Variants in ZGRF1 observed in about 807,000 individuals in gnomAD.
ZGRF1 encodes 5'-3' DNA helicase ZGRF1.
A neutral mutation model predicts 203.5 loss-of-function variants in ZGRF1; 196 were observed. The ratio of observed to expected loss-of-function variants is 0.96; its 90% CI spans 0.86 to 1.08. The LOEUF (loss-of-function observed/expected upper bound fraction) is 1.08. ZGRF1 is among the 50% of genes least tolerant of loss of function. ZGRF1 has a pLI of 0.00. For missense variants in ZGRF1, 2,326 were observed against 2,416.3 expected, an observed-to-expected ratio of 0.96 and a Z score of 0.78; for synonymous variants, 809 against 841.3, an observed-to-expected ratio of 0.96 and a Z score of 0.66.
At chr4:112,587,258 C>T (rs1463813118) in intron 12 of ZGRF1, 22 bp downstream of exon 12, 1 of 1,569,766 alleles carries the variant, frequency 6.4e-7, no homozygotes, top group Non-Finnish European at 8.6e-7. Flanking sequence ...AAATGCACCA[C>T]AAGACCGGTA....
intron 16 of ZGRF1, among the ~76,000 whole-genome samples, chr4:112,577,421 C>A (rs1374935409): frequency 8.2e-6 from 1 of 122,678 alleles, no homozygotes; most frequent in African/African-American, 2.8e-5. Flanking sequence ...CAAATTCACA[C>A]ATAACAATAT....
chr4:112,589,529 T>G (rs188805216), intron 11 of ZGRF1, 195 bp downstream of exon 11: 24 of 568,022 alleles, frequency 4.2e-5, no homozygotes, highest in Non-Finnish European at 6.8e-5. Flanking sequence ...AGGAACTAGA[T>G]AGCTAGAAGG....
intron 9 of ZGRF1, chr4:112,605,737 C>A (rs1750671354): frequency 2.7e-6 from 1 of 376,766 alleles, no homozygotes; most frequent in Non-Finnish European, 4.8e-6. Context: ...CTCTACATGG[C>A]TTTGTGTCCA....
At chr4:112,612,825 C>T (rs1473997178) in intron 6 of ZGRF1, among the ~76,000 whole-genome samples, 1 of 152,078 alleles carries the variant, frequency 6.6e-6, no homozygotes, top group Admixed American at 6.6e-5. Context: ...TTTTTGTTTA[C>T]TTTCTAAGTC....
At chr4:112,559,468 G>A (rs1018978267) in intron 19 of ZGRF1, among the ~76,000 whole-genome samples, 3 of 152,148 alleles carry the variant, frequency 2.0e-5, no homozygotes, top group African/African-American at 7.2e-5. Flanking sequence ...CCAAAGTGCT[G>A]GGATTACAGG....
rs1369481571 is a variant in ZGRF1, at chr4:112,579,062, G to A, written c.4438+2601C>T. 6.5e-5 allele frequency among the ~76,000 whole-genome samples: 8 copies of A among 122,972 alleles called. 1 individual carries two copies. Among genetic ancestry groups the A allele is most frequent in the African/African-American group, 2.3e-4 (8 of 35,482 alleles). The allele number at this position is 122,972 out of a possible 152,430, so 80.7% of individuals were successfully genotyped here. ...ACTGAATCCAGCAGCACATCATAAA[G>A]CTTATCCACCATGATCAAGTGGGCT... is the stretch of plus-strand genomic sequence containing the variant. On this transcript the variant is annotated intron_variant, in intron 16 of 27. Coordinates refer to ENST00000505019, the MANE Select transcript of ZGRF1 (RefSeq NM_018392.5).
intron 4 of ZGRF1, among the ~76,000 whole-genome samples, chr4:112,621,830 G>A (rs1232074304): frequency 6.6e-6 from 1 of 150,894 alleles, no homozygotes; most frequent in Non-Finnish European, 1.5e-5. Context: ...AGGTTCAAGC[G>A]ATTCTCCTAC....
At chr4:112,584,472 A>G (rs1217968658) in intron 14 of ZGRF1, among the ~76,000 whole-genome samples, 1 of 152,208 alleles carries the variant, frequency 6.6e-6, no homozygotes, top group Non-Finnish European at 1.5e-5. Context: ...GAAACACTGA[A>G]TATCTTATCC....
chr4:112,600,088 G>C (rs1250756026), intron 10 of ZGRF1, among the ~76,000 whole-genome samples: 1 of 152,080 alleles, frequency 6.6e-6, no homozygotes, highest in South Asian at 2.1e-4. Context: ...ACCCAGTGTG[G>C]TGGCATGATC....
chr4:112,558,755 T>C (rs1225139029), intron 19 of ZGRF1, among the ~76,000 whole-genome samples: 1 of 152,264 alleles, frequency 6.6e-6, no homozygotes, highest in East Asian at 1.9e-4. Flanking sequence ...GTGTTCACTA[T>C]GTGCAAAGCA....
chr4:112,571,809 A>C (rs1022233116), intron 16 of ZGRF1, among the ~76,000 whole-genome samples: 1 of 152,258 alleles, frequency 6.6e-6, no homozygotes, highest in African/African-American at 2.4e-5. Context: ...GAAAGAGTAA[A>C]GGACCAAGAA....
Position 112,539,345 on chromosome 4 carries a change from G to T in ZGRF1, c.*202C>A. On this transcript the variant is annotated 3_prime_UTR_variant, in exon 28 of 28. Transcript: ENST00000505019. ...TGGCAAACAGAAATCATTCTTCTTA[G>T]AAAAAAGCTTATTTTTATTAGTAGG... 1 of 366,612 alleles carries T rather than the reference G, an allele frequency of 2.7e-6. No homozygotes were observed. The highest frequency in any genetic ancestry group is 4.8e-6 in the Non-Finnish European group (1 of 208,324). 22.7% of individuals were successfully genotyped at this position (366,612 alleles called of 1,614,324 possible). A position where few individuals can be genotyped will look rare whatever the true frequency, so the allele number is the denominator to read the frequency against.
intron 7 of ZGRF1, among the ~76,000 whole-genome samples, chr4:112,611,481 G>C (rs1445991909): frequency 6.6e-6 from 1 of 152,208 alleles, no homozygotes; most frequent in African/African-American, 2.4e-5. Flanking sequence ...TCTGTAGAAA[G>C]ACCAGTGCCA....
At chr4:112,597,847 T>G (rs1749285895) in intron 10 of ZGRF1, among the ~76,000 whole-genome samples, 1 of 148,602 alleles carries the variant, frequency 6.7e-6, no homozygotes, top group Non-Finnish European at 1.5e-5. Flanking sequence ...TCGTGCCACT[T>G]CACTCCGGCC....
At chr4:112,634,496 C>T (rs1022805068) in intron 1 of ZGRF1, among the ~76,000 whole-genome samples, 1 of 151,642 alleles carries the variant, frequency 6.6e-6, no homozygotes, top group Non-Finnish European at 1.5e-5. Flanking sequence ...ACTAAAAATA[C>T]AAAAATTAGC....
At chr4:112,540,462 T>C (rs1737347025) in intron 26 of ZGRF1, among the ~76,000 whole-genome samples, 1 of 152,196 alleles carries the variant, frequency 6.6e-6, no homozygotes, top group South Asian at 2.1e-4. Context: ...ATATTTGGTA[T>C]CTATCCTTGA....
At chr4:112,554,682 C>A in intron 21 of ZGRF1, 23 bp downstream of exon 21, 1 of 1,255,342 alleles carries the variant, frequency 8.0e-7, no homozygotes, top group Middle Eastern at 1.9e-4. Context: ...CATTCTGTGA[C>A]TTCTGGAATT....
intron 6 of ZGRF1, among the ~76,000 whole-genome samples, chr4:112,615,049 AAATT>A (rs2046821035): frequency 6.6e-6 from 1 of 152,212 alleles, no homozygotes; most frequent in Non-Finnish European, 1.5e-5. Context: ...ACGTATTCAT[AAATT>A]AATGAAAATG....
chr4:112,612,267 T>C (rs1277991899), intron 7 of ZGRF1, among the ~76,000 whole-genome samples: 1 of 152,142 alleles, frequency 6.6e-6, no homozygotes, highest in Non-Finnish European at 1.5e-5. Context: ...CGTCCAGCCA[T>C]GTAACTGTGT....
Sources: gnomAD v4.1 joint callset for allele counts (sites outside exome capture counted in the v4.1 genomes callset) on GRCh38, gnomAD v4.1.1 for gene constraint, MANE v1.5 for transcripts, NCBI Gene and HGNC (gene_info 2026-07-23, HGNC 2026-07-21) for gene names.